The following DIP2B variants were observed in gnomAD, a reference collection of about 807,000 sequenced individuals.
DIP2B encodes the protein disco-interacting protein 2 homolog B.
DIP2B carries 76 observed loss-of-function variants against 198.0 expected under a neutral mutation model. The observed-to-expected ratio is 0.38, with a 90% confidence interval of 0.32 to 0.46. The LOEUF is 0.46. DIP2B is among the 20% of genes least tolerant of loss of function. DIP2B has a pLI of 0.99. For synonymous variants in DIP2B, 701 were observed against 739.1 expected (o/e 0.95, Z 0.84); for missense variants, 1,559 against 1,978.4 (o/e 0.79, Z 4.02).
At chr12:50,694,509 ATAC>A (rs1565873272) in intron 14 of DIP2B, among the ~76,000 whole-genome samples, 57 of 24,996 alleles carry the variant, frequency 2.3e-3, no homozygotes, top group African/African-American at 4.4e-3. Context: ...AAATAAATAC[ATAC>A]ATACATACAT....
At chr12:50,573,753 A>AT (rs374517696) in intron 1 of DIP2B, among the ~76,000 whole-genome samples, 14 of 152,326 alleles carry the variant, frequency 9.2e-5, no homozygotes, top group African/African-American at 3.1e-4. Flanking sequence ...CAGAATGTGT[A>AT]TTTTCCCTTC....
chr12:50,644,930 G>A (rs980676791), intron 3 of DIP2B, among the ~76,000 whole-genome samples: 5 of 152,180 alleles, frequency 3.3e-5, no homozygotes, highest in Admixed American at 6.5e-5. Context: ...ATTTGCTGTT[G>A]TCTGTTACTT....
At chr12:50,601,073 A>G (rs1004308688) in intron 1 of DIP2B, among the ~76,000 whole-genome samples, 1 of 152,060 alleles carries the variant, frequency 6.6e-6, no homozygotes, top group South Asian at 2.1e-4. Flanking sequence ...TCTACCTTCT[A>G]TCATTCCATA....
chr12:50,644,440 C>A (rs187276834), intron 3 of DIP2B, among the ~76,000 whole-genome samples: 21 of 152,300 alleles, frequency 1.4e-4, no homozygotes, highest in African/African-American at 5.1e-4. Flanking sequence ...CCTTATTCAG[C>A]TCAAACATGA....
chr12:50,529,481 T>G (rs1203402129), intron 1 of DIP2B, among the ~76,000 whole-genome samples: 1 of 152,126 alleles, frequency 6.6e-6, no homozygotes, highest in Admixed American at 6.6e-5. Flanking sequence ...TGCTTTAGAT[T>G]TGTCAATCAT....
intron 1 of DIP2B, among the ~76,000 whole-genome samples, chr12:50,527,049 T>C (rs1242415577): frequency 6.6e-6 from 1 of 152,246 alleles, no homozygotes; most frequent in East Asian, 1.9e-4. Context: ...AAATCAGTTT[T>C]GTTTTGGTTT....
intron 1 of DIP2B, among the ~76,000 whole-genome samples, chr12:50,527,050 GTT>G (rs1421909562): frequency 6.6e-6 from 1 of 152,168 alleles, no homozygotes; most frequent in Non-Finnish European, 1.5e-5. Flanking sequence ...AATCAGTTTT[GTT>G]TTGGTTTAAT....
chr12:50,513,822 T>TGA (rs1247594838), intron 1 of DIP2B, among the ~76,000 whole-genome samples: 1 of 147,252 alleles, frequency 6.8e-6, no homozygotes, highest in Non-Finnish European at 1.5e-5. Flanking sequence ...TGCAGTGAGC[T>TGA]GAGATCATGC....
chr12:50,685,321 T>C (rs1456772986), intron 10 of DIP2B, among the ~76,000 whole-genome samples: 2 of 152,178 alleles, frequency 1.3e-5, no homozygotes, highest in Non-Finnish European at 2.9e-5. Flanking sequence ...TGCTGCTGTT[T>C]TTGTGTAAGG....
chr12:50,591,971 G>A (rs1262869489), intron 1 of DIP2B, among the ~76,000 whole-genome samples: 1 of 150,658 alleles, frequency 6.6e-6, no homozygotes, highest in Non-Finnish European at 1.5e-5. Context: ...TCTGCCTCCC[G>A]GGTTCAAGTG....
At chr12:50,545,712 TG>T (rs1458761665) in intron 1 of DIP2B, among the ~76,000 whole-genome samples, 1 of 150,516 alleles carries the variant, frequency 6.6e-6, no homozygotes, top group Admixed American at 6.7e-5. Flanking sequence ...CTGGGCTCAC[TG>T]CAACCTCTGC....
At chr12:50,591,600 A>ATTTTTC (rs1481714342) in intron 1 of DIP2B, among the ~76,000 whole-genome samples, 16 of 149,842 alleles carry the variant, frequency 1.1e-4, no homozygotes, top group Non-Finnish European at 2.1e-4. Flanking sequence ...ACACTGGCTA[A>ATTTTTC]TTTTTCTTTT....
At chr12:50,534,986 T>C (rs889981316) in intron 1 of DIP2B, among the ~76,000 whole-genome samples, 6 of 152,156 alleles carry the variant, frequency 3.9e-5, no homozygotes, top group Admixed American at 3.3e-4. Flanking sequence ...CTCAGGACTT[T>C]GGGAGGCTGA....
chr12:50,531,061 G>A (rs1958212531), intron 1 of DIP2B, among the ~76,000 whole-genome samples: 1 of 152,052 alleles, frequency 6.6e-6, no homozygotes, highest in Non-Finnish European at 1.5e-5. Flanking sequence ...TATTATATAT[G>A]TTGAGATGGA....
In DIP2B at chr12:50,746,085, A is replaced by T. The variant is rs1940337619; in HGVS notation, c.*1246A>T. On this transcript the variant is annotated 3_prime_UTR_variant, in exon 38 of 38. Transcript: ENST00000301180. ...TGCTGAAACCGGGGAAGTCTGACAT[A>T]TGCAGGAAACTCTTTTGAAATAACT... is the stretch of plus-strand genomic sequence containing the variant. 6.6e-6 allele frequency: 1 copy of T among 152,258 alleles called. No individual in the cohort carries two copies. Among genetic ancestry groups the T allele is most frequent in the Non-Finnish European group, 1.5e-5 (1 of 68,050 alleles). 9.4% of individuals were successfully genotyped at this position (152,258 alleles called of 1,614,324 possible).
At chr12:50,631,990 CT>C (rs752577696) in intron 2 of DIP2B, among the ~76,000 whole-genome samples, 2,048 of 139,872 alleles carry the variant, frequency 0.015, 33 homozygotes, top group African/African-American at 0.046. Context: ...TTTAATTTGA[CT>C]TTTTTTTTTT....
chr12:50,618,619 A>C (rs1284729298), intron 1 of DIP2B, among the ~76,000 whole-genome samples: 1 of 152,202 alleles, frequency 6.6e-6, no homozygotes, highest in African/African-American at 2.4e-5. Flanking sequence ...CTCTGGAGCC[A>C]TTTCTGCCTG....
At chr12:50,595,791 T>C (rs1173331353) in intron 1 of DIP2B, among the ~76,000 whole-genome samples, 1 of 152,194 alleles carries the variant, frequency 6.6e-6, no homozygotes, top group East Asian at 1.9e-4. Flanking sequence ...AAGTAAAATC[T>C]CCCATGGACT....
chr12:50,510,409 G>C (rs554394797), intron 1 of DIP2B, among the ~76,000 whole-genome samples: 1 of 152,110 alleles, frequency 6.6e-6, no homozygotes, highest in Admixed American at 6.5e-5. Flanking sequence ...AATATGTCAC[G>C]CTTAGCTCAG....
Sources: allele counts gnomAD v4.1 joint callset (sites outside exome capture counted in the v4.1 genomes callset), GRCh38; gene constraint gnomAD v4.1.1; transcripts MANE v1.5; gene names NCBI Gene and HGNC (gene_info 2026-07-23, HGNC 2026-07-21).